The following PWWP2A variants were observed in gnomAD, a reference collection of about 807,000 sequenced individuals.
PWWP2A encodes the protein PWWP domain containing 2A.
PWWP2A carries 18 observed loss-of-function variants against 48.5 expected under a neutral mutation model. That is an observed-to-expected ratio of 0.37 (90% CI 0.26 to 0.55). The LOEUF (loss-of-function observed/expected upper bound fraction) is 0.55. Ranked by LOEUF, PWWP2A falls within the 20% of genes least tolerant of loss-of-function variation. The pLI, the probability that PWWP2A is intolerant of heterozygous loss-of-function variation, is 0.81. For missense variants in PWWP2A, 867 were observed against 976.4 expected (o/e 0.89, Z 1.49); for synonymous variants, 396 against 387.7 (o/e 1.02, Z -0.25).
In PWWP2A at chr5:160,118,792, G is replaced by A. The variant is rs1321234018; in HGVS notation, c.584+13C>T. The A allele has an allele frequency of 2.8e-6, 4 of 1,437,558 alleles. No homozygotes were observed. Among genetic ancestry groups the A allele is most frequent in the East Asian group, 2.9e-5 (1 of 34,054 alleles). The allele number at this position is 1,437,558 out of a possible 1,614,324, so 89.1% of individuals were successfully genotyped here. A position where few individuals can be genotyped will look rare whatever the true frequency, so the allele number is the denominator to read the frequency against. ...CCCAGCGGACCGGAGGGTGCTGGGG[G>A]CGGGCGCGGTACCTTTTGGACAGAT... On this transcript the variant is annotated intron_variant, in intron 1 of 1. Transcript: ENST00000307063.
the PWWP2A span, among the ~76,000 whole-genome samples, chr5:160,046,087 C>A: frequency 0.09 from 13,735 of 152,204 alleles, 761 homozygotes; most frequent in Admixed American, 0.18. Flanking sequence ...CCAATATTCT[C>A]CTTCAATTGC....
chr5:160,083,973 C>T (rs1003409927), intron 2 of PWWP2A, among the ~76,000 whole-genome samples: 1 of 152,226 alleles, frequency 6.6e-6, no homozygotes, highest in Non-Finnish European at 1.5e-5. Context: ...GTCCATGCTA[C>T]TTCCAGAGAC....
chr5:160,099,845 T>TA (rs1756075905), intron 1 of PWWP2A, among the ~76,000 whole-genome samples: 1 of 151,912 alleles, frequency 6.6e-6, no homozygotes, highest in African/African-American at 2.4e-5. Flanking sequence ...TTTGTATTTT[T>TA]AGTAGAGATG....
At chr5:160,056,058 T>C in the PWWP2A span, among the ~76,000 whole-genome samples, 1 of 152,236 alleles carries the variant, frequency 6.6e-6, no homozygotes, top group Non-Finnish European at 1.5e-5. Context: ...GTATGGCTTG[T>C]ATTCTGACCA....
intron 1 of PWWP2A, among the ~76,000 whole-genome samples, chr5:160,112,456 ACGTGAC>A (rs548537171): frequency 6.6e-6 from 1 of 152,186 alleles, no homozygotes; most frequent in Non-Finnish European, 1.5e-5. Context: ...TCCTGACCTT[ACGTGAC>A]CCACCCACCT....
In PWWP2A at chr5:160,094,037, C is replaced by A; in HGVS notation, c.613G>T (p.Val205Leu). 6.2e-7 allele frequency: 1 copy of A among 1,612,968 alleles called. No individual in the cohort carries two copies. Among genetic ancestry groups the A allele is most frequent in the Non-Finnish European group, 8.5e-7 (1 of 1,179,096 alleles). Residue 205 changes from valine (V) to leucine (L), a missense_variant, in exon 2 of 2, where the codon GTA (valine) becomes TTA (leucine). By Grantham distance (32) the Val-to-Leu change is conservative. This residue lies in a region of PWWP2A where 385 missense variants were observed against 396.9 expected (regional missense o/e 0.97). Coordinates refer to ENST00000307063, the MANE Select transcript of PWWP2A (RefSeq NM_001130864.2). The stretch of plus-strand genomic sequence containing the variant: ...TCCTTATATTCCCTTTTGGGAAATA[C>A]TGTCACAGGGATACCATGGGGCCCA... ...RFGPHGIPVT[V>L]FPKREYKDKP...
At chr5:160,066,041 A>G (rs1356494325) in intron 4 of PWWP2A, among the ~76,000 whole-genome samples, 2 of 152,198 alleles carry the variant, frequency 1.3e-5, no homozygotes, top group African/African-American at 4.8e-5. Flanking sequence ...AGTGACATGC[A>G]GTAGTCAGTC....
At chr5:160,087,257 C>T, downstream of PWWP2A, among the ~76,000 whole-genome samples, 1 of 151,860 alleles carries the variant, frequency 6.6e-6, no homozygotes, top group Non-Finnish European at 1.5e-5. Context: ...TGACATACAC[C>T]AGTAGTCCCA....
chr5:160,106,778 G>A (rs1298487437), intron 1 of PWWP2A, among the ~76,000 whole-genome samples: 1 of 148,818 alleles, frequency 6.7e-6, no homozygotes, highest in Non-Finnish European at 1.5e-5. Context: ...ATGATACATT[G>A]CTTAGTTTGT....
chr5:160,049,496 T>C, the PWWP2A span: 2 of 1,550,568 alleles, frequency 1.3e-6, no homozygotes, highest in Non-Finnish European at 1.7e-6. Context: ...ATAAAAATTA[T>C]TTCTTCTCTT....
At position 160,084,703 on chromosome 5, in the gene PWWP2A, T is replaced by C. The variant is rs555824095; in HGVS notation, c.1550-3933A>G. ...GCCTCGGTCTCCCAAAGTACTAGGA[T>C]TATAGGCATGAGCCAAGGCACCTGG... On this transcript the variant is annotated intron_variant, in intron 2 of 3. Coordinates refer to the PWWP2A transcript ENST00000456329. Among the ~76,000 whole-genome samples the C allele has an allele frequency of 4.6e-5, 7 of 152,270 alleles. No individual in the cohort carries two copies. The South Asian group carries it at 1.2e-3, about 27-fold the overall frequency.
chr5:160,084,845 C>T (rs1754504571), intron 2 of PWWP2A, among the ~76,000 whole-genome samples: 3 of 152,002 alleles, frequency 2.0e-5, no homozygotes, highest in Non-Finnish European at 4.4e-5. Flanking sequence ...TTTCACATTA[C>T]AAAAAATTTT....
intron 1 of PWWP2A, among the ~76,000 whole-genome samples, chr5:160,099,002 C>A (rs1329079144): frequency 1.3e-5 from 2 of 152,150 alleles, no homozygotes; most frequent in Non-Finnish European, 2.9e-5. Flanking sequence ...TGTGAAAAAA[C>A]ACATCACAAC....
At chr5:160,081,606 A>C (rs934340803) in intron 2 of PWWP2A, among the ~76,000 whole-genome samples, 3 of 152,142 alleles carry the variant, frequency 2.0e-5, no homozygotes, top group African/African-American at 7.2e-5. Context: ...AATCCCAATA[A>C]CCACACTTGC....
At chr5:160,099,310 G>C (rs963707155) in intron 1 of PWWP2A, among the ~76,000 whole-genome samples, 6 of 152,248 alleles carry the variant, frequency 3.9e-5, no homozygotes, top group South Asian at 4.1e-4. Context: ...GCAGCATAAA[G>C]GCATGTGTTA....
At chr5:160,069,506 T>C (rs962007398) in intron 2 of PWWP2A, among the ~76,000 whole-genome samples, 2 of 152,088 alleles carry the variant, frequency 1.3e-5, no homozygotes, top group African/African-American at 4.8e-5. Flanking sequence ...CTGGCAAATT[T>C]GGAGGGCTCA....
downstream of PWWP2A, among the ~76,000 whole-genome samples, chr5:160,073,538 T>TAAC (rs1283915863): frequency 6.6e-6 from 1 of 152,060 alleles, no homozygotes; most frequent in Non-Finnish European, 1.5e-5. Flanking sequence ...AAAACATCTT[T>TAAC]AACATCACCA....
the PWWP2A span, among the ~76,000 whole-genome samples, chr5:160,045,416 G>C: frequency 3.5e-5 from 5 of 140,984 alleles, no homozygotes; most frequent in Non-Finnish European, 1.5e-5. Context: ...TATCAATATG[G>C]TTTGTTTGTA....
At chr5:160,056,424 C>G in the PWWP2A span, among the ~76,000 whole-genome samples, 1 of 152,194 alleles carries the variant, frequency 6.6e-6, no homozygotes, top group East Asian at 1.9e-4. Context: ...CCATCTGGAG[C>G]TTGGCATGGT....
Sources: allele counts gnomAD v4.1 joint callset (sites outside exome capture counted in the v4.1 genomes callset), GRCh38; gene constraint gnomAD v4.1.1; regional missense constraint gnomAD v4.1.1; transcripts MANE v1.5; gene names NCBI Gene and HGNC (gene_info 2026-07-23, HGNC 2026-07-21).